Variants in P2RY8 observed in about 807,000 individuals in gnomAD.
The protein encoded by P2RY8 is S-geranylgeranyl-glutathione receptor P2RY8.
In P2RY8, 6 loss-of-function variants were observed where a neutral mutation model predicts 10.0. The observed-to-expected ratio is 0.60, with a 90% confidence interval of 0.33 to 1.19. The LOEUF (loss-of-function observed/expected upper bound fraction) is 1.19. P2RY8 is among the 50% of genes most tolerant of loss of function. The pLI is 0.04. For missense variants in P2RY8, 456 were observed against 542.0 expected, an observed-to-expected ratio of 0.84 and a Z score of 1.58; for synonymous variants, 276 against 252.5, an observed-to-expected ratio of 1.09 and a Z score of -0.88.
chrX:1,465,408 A>C lies in P2RY8; in HGVS notation c.*71T>G, dbSNP rs1402009983. The C allele has an allele frequency of 1.8e-5, 28 of 1,526,644 alleles. 1 individual carries two copies. The South Asian group carries it at 3.2e-4, about 18-fold the overall frequency. 94.6% of individuals were successfully genotyped at this position (1,526,644 alleles called of 1,614,324 possible). ...CAGCTGTTCTCCCTGAACCTCTGGC[A>C]CCGTGGCCTCTCCATGCGCCCCTGG... On this transcript the variant is annotated 3_prime_UTR_variant, in exon 2 of 2. Transcript: ENST00000381297.
rs780575799 is a variant in P2RY8 at position 1,479,144 on chromosome X, C to T, written c.-24-12562G>A. ...AAAGAGAAATAGAGAGCTCTGTATT[C>T]GTGTTTGTCTTTGGATCTTTCCCCT... is the stretch of plus-strand genomic sequence containing the variant. On this transcript the variant is annotated intron_variant, in intron 1 of 1. Transcript: ENST00000381297. 1.2e-4 allele frequency among the ~76,000 whole-genome samples: 18 copies of T among 152,320 alleles called. No homozygotes were observed. In the South Asian group the frequency reaches 1.7e-3, roughly 14 times the overall value.
intron 1 of P2RY8, among the ~76,000 whole-genome samples, chrX:1,527,899 A>G (rs752231172): frequency 1.3e-5 from 2 of 152,266 alleles, no homozygotes; most frequent in South Asian, 2.1e-4. Context: ...ATGTTAATCT[A>G]TTCTGGTCTC....
At chrX:1,478,700 G>A (rs1167804120) in intron 1 of P2RY8, among the ~76,000 whole-genome samples, 30 of 151,924 alleles carry the variant, frequency 2.0e-4, no homozygotes, top group Non-Finnish European at 3.2e-4. Flanking sequence ...GGCTGGTCTC[G>A]AACTCCTGAC....
intron 1 of P2RY8, among the ~76,000 whole-genome samples, chrX:1,471,671 C>G (rs750392187): frequency 4.9e-4 from 75 of 152,096 alleles, no homozygotes; most frequent in African/African-American, 1.6e-3. Context: ...CTGGGAACCC[C>G]TTTCTAAAGG....
intron 1 of P2RY8, among the ~76,000 whole-genome samples, chrX:1,493,400 G>A (rs192340882): frequency 0.3 from 13,236 of 43,638 alleles, 1,940 homozygotes; most frequent in East Asian, 0.52. Flanking sequence ...AGGGAGGGAA[G>A]GAGGAAGGAG....
chrX:1,533,803 T>C (rs12401267), intron 1 of P2RY8, among the ~76,000 whole-genome samples: 100,717 of 119,832 alleles, frequency 0.84, 42,835 homozygotes, highest in East Asian at 0.98. Flanking sequence ...TATATATTCA[T>C]ATATTATTTA....
intron 1 of P2RY8, among the ~76,000 whole-genome samples, chrX:1,513,567 G>A (rs1336894514): frequency 6.6e-6 from 1 of 151,292 alleles, no homozygotes; most frequent in Non-Finnish European, 1.5e-5. Flanking sequence ...AAGGACAGCT[G>A]TCATTGCATT....
At chrX:1,525,883 C>A (rs1368718395) in intron 1 of P2RY8, among the ~76,000 whole-genome samples, 5 of 151,320 alleles carry the variant, frequency 3.3e-5, no homozygotes, top group Admixed American at 3.3e-4. Context: ...TCATTTATTC[C>A]TTATCCATCC....
chrX:1,523,494 G>GA, intron 1 of P2RY8, among the ~76,000 whole-genome samples: 1 of 152,184 alleles, frequency 6.6e-6, no homozygotes, highest in South Asian at 2.1e-4. Context: ...CATTTAGGCT[G>GA]AAAAATATTG....
At chrX:1,509,002 T>TCATC (rs776849927) in intron 1 of P2RY8, among the ~76,000 whole-genome samples, 40,211 of 115,100 alleles carry the variant, frequency 0.35, 4,800 homozygotes, top group Non-Finnish European at 0.41. Flanking sequence ...CTGTATGTGT[T>TCATC]CATCCATCCA....
chrX:1,510,051 C>CATCT (rs759669901), intron 1 of P2RY8, among the ~76,000 whole-genome samples: 1 of 151,994 alleles, frequency 6.6e-6, no homozygotes, highest in African/African-American at 2.4e-5. Context: ...CTCTATCTAT[C>CATCT]ATCTATCTAT....
chrX:1,535,678 C>G (rs2092518900), intron 1 of P2RY8, among the ~76,000 whole-genome samples: 1 of 148,976 alleles, frequency 6.7e-6, no homozygotes, highest in Admixed American at 6.8e-5. Flanking sequence ...AAGATAACAA[C>G]ATGGGAAGAA....
chrX:1,511,758 G>A (rs1390380065), intron 1 of P2RY8, among the ~76,000 whole-genome samples: 6 of 152,148 alleles, frequency 3.9e-5, no homozygotes, highest in Admixed American at 1.3e-4. Flanking sequence ...GCATGTCTAC[G>A]GATGGCCAGC....
intron 1 of P2RY8, among the ~76,000 whole-genome samples, chrX:1,499,295 T>C: frequency 6.6e-6 from 1 of 151,982 alleles, no homozygotes; most frequent in East Asian, 1.9e-4. Flanking sequence ...CCTGAGTAGC[T>C]GGGATTACAC....
intron 1 of P2RY8, among the ~76,000 whole-genome samples, chrX:1,471,321 T>TTTC (rs1421085735): frequency 7.1e-6 from 1 of 141,412 alleles, no homozygotes; most frequent in East Asian, 2.0e-4. Flanking sequence ...TTTTTTTTTT[T>TTTC]TTTTTTTTTT....
At chrX:1,532,829 G>A (rs1485323227) in intron 1 of P2RY8, among the ~76,000 whole-genome samples, 4 of 151,602 alleles carry the variant, frequency 2.6e-5, no homozygotes, top group East Asian at 1.9e-4. Flanking sequence ...GTGAAACCCC[G>A]TCTCTACTAA....
intron 1 of P2RY8, among the ~76,000 whole-genome samples, chrX:1,500,114 T>C (rs765820545): frequency 1.3e-5 from 2 of 151,444 alleles, no homozygotes; most frequent in Non-Finnish European, 1.5e-5. Flanking sequence ...TGCCTCGGCC[T>C]CCCAAAGTGC....
chrX:1,489,505 C>T (rs2092021285), intron 1 of P2RY8, among the ~76,000 whole-genome samples: 2 of 152,106 alleles, frequency 1.3e-5, no homozygotes, highest in African/African-American at 4.8e-5. Flanking sequence ...CTAAGGATTC[C>T]TCACAAATGT....
intron 1 of P2RY8, among the ~76,000 whole-genome samples, chrX:1,501,576 A>C (rs2092179768): frequency 6.6e-6 from 1 of 151,678 alleles, no homozygotes; most frequent in South Asian, 2.1e-4. Context: ...GCCCCGTCTT[A>C]GTTTTCATTT....
Sources: allele counts gnomAD v4.1 joint callset (sites outside exome capture counted in the v4.1 genomes callset), GRCh38; gene constraint gnomAD v4.1.1; transcripts MANE v1.5; gene names NCBI Gene and HGNC (gene_info 2026-07-23, HGNC 2026-07-21).